The following POU2F1 variants were observed in gnomAD, a reference collection of about 807,000 sequenced individuals.
The protein encoded by POU2F1 is POU class 2 homeobox 1.
In POU2F1, 16 loss-of-function variants were observed where a neutral mutation model predicts 84.9. That is an observed-to-expected ratio of 0.19 (90% CI 0.13 to 0.29). The LOEUF is 0.29. POU2F1 is among the 10% of genes least tolerant of loss of function. The pLI, the probability that POU2F1 is intolerant of heterozygous loss-of-function variation, is 1.00. For synonymous variants in POU2F1, 368 were observed against 368.3 expected (o/e 1.00, Z 0.01); for missense variants, 738 against 942.6 (o/e 0.78, Z 2.84).
At chr1:167,237,762 ATATATATATATTTTTTTTT>A (rs1466659446) in intron 1 of POU2F1, among the ~76,000 whole-genome samples, 21 of 19,994 alleles carry the variant, frequency 1.1e-3, no homozygotes, top group East Asian at 0.01. Flanking sequence ...ATATATATAT[ATATATATATATTTTTTTTT>A]TTTTTTTTTT....
intron 1 of POU2F1, among the ~76,000 whole-genome samples, chr1:167,282,268 C>G (rs935046042): frequency 6.1e-5 from 9 of 147,038 alleles, no homozygotes; most frequent in Non-Finnish European, 1.4e-4. Flanking sequence ...CTCAGCCTCC[C>G]GAATAGCTGG....
intron 1 of POU2F1, among the ~76,000 whole-genome samples, chr1:167,331,632 A>G (rs1054791804): frequency 5.9e-5 from 9 of 152,106 alleles, no homozygotes; most frequent in African/African-American, 2.2e-4. Flanking sequence ...TCAAAGACTT[A>G]GAAGAAAAGC....
intron 2 of POU2F1, among the ~76,000 whole-genome samples, chr1:167,351,519 C>CAAAAAAAAAAAAAAAA (rs34170498): frequency 7.6e-4 from 35 of 45,968 alleles, no homozygotes; most frequent in Non-Finnish European, 8.2e-4. Context: ...AGCACCATCT[C>CAAAAAAAAAAAAAAAA]AAAAAAAAAA....
At chr1:167,263,367 A>G (rs1651709003) in intron 1 of POU2F1, among the ~76,000 whole-genome samples, 1 of 152,056 alleles carries the variant, frequency 6.6e-6, no homozygotes, top group Non-Finnish European at 1.5e-5. Context: ...TAAAAATGCA[A>G]AAATTAGCCG....
At chr1:167,243,794 T>C (rs1650098760) in intron 1 of POU2F1, among the ~76,000 whole-genome samples, 2 of 152,158 alleles carry the variant, frequency 1.3e-5, no homozygotes, top group African/African-American at 2.4e-5. Flanking sequence ...TTTCTTGAAT[T>C]AAGTTTCAGG....
chr1:167,285,819 T>C (rs1474293331), intron 1 of POU2F1, among the ~76,000 whole-genome samples: 1 of 152,124 alleles, frequency 6.6e-6, no homozygotes, highest in African/African-American at 2.4e-5. Flanking sequence ...GATACTCTTC[T>C]CAAGAAGGTT....
At chr1:167,339,422 A>G (rs1345427321) in intron 2 of POU2F1, among the ~76,000 whole-genome samples, 3 of 152,192 alleles carry the variant, frequency 2.0e-5, no homozygotes, top group South Asian at 4.1e-4. Flanking sequence ...TCTATTTTAG[A>G]TGATAGTTGG....
rs182792996 is a variant in POU2F1 at position 167,227,257 on chromosome 1, A to G, written c.61+6299A>G. Among the ~76,000 whole-genome samples, 170 of 152,290 alleles carry G rather than the reference A, an allele frequency of 1.1e-3. 1 individual carries two copies. The highest frequency in any genetic ancestry group is 3.9e-3 in the African/African-American group (161 of 41,556). ...GCAAGTGCAGTTTATCACATTATTT[A>G]TTTCATAATTCTTTGTAACTTTATG... On this transcript the variant is annotated intron_variant, in intron 1 of 15. Transcript: ENST00000367866.
At chr1:167,315,566 A>G (rs567711017) in intron 1 of POU2F1, among the ~76,000 whole-genome samples, 2 of 150,400 alleles carry the variant, frequency 1.3e-5, no homozygotes, top group South Asian at 4.2e-4. Context: ...GCGCTTGACC[A>G]GGAGTTCAAG....
chr1:167,344,987 T>C (rs1054278293), intron 2 of POU2F1, among the ~76,000 whole-genome samples: 8 of 152,124 alleles, frequency 5.3e-5, no homozygotes, highest in Non-Finnish European at 1.0e-4. Context: ...CCACATTTTC[T>C]CACTCATAAG....
chr1:167,261,153 G>A (rs1216396222), intron 1 of POU2F1, among the ~76,000 whole-genome samples: 1 of 152,102 alleles, frequency 6.6e-6, no homozygotes, highest in Non-Finnish European at 1.5e-5. Flanking sequence ...AAATTTGTCT[G>A]ATTACTGATG....
At chr1:167,402,450 CA>C (rs200657417) in intron 13 of POU2F1, among the ~76,000 whole-genome samples, 2,710 of 152,154 alleles carry the variant, frequency 0.018, 43 homozygotes, top group Admixed American at 0.027. Context: ...ATTATTAGAA[CA>C]TTTTGTTTAT....
At chr1:167,271,912 CATT>C (rs1249491834) in intron 1 of POU2F1, among the ~76,000 whole-genome samples, 1 of 152,100 alleles carries the variant, frequency 6.6e-6, no homozygotes, top group African/African-American at 2.4e-5. Flanking sequence ...TATTTCATGA[CATT>C]ATAATTATAT....
chr1:167,246,366 C>T (rs1650320085), intron 1 of POU2F1, among the ~76,000 whole-genome samples: 1 of 152,156 alleles, frequency 6.6e-6, no homozygotes, highest in African/African-American at 2.4e-5. Flanking sequence ...GTTTATGCCT[C>T]AGTTGAATAA....
chr1:167,351,351 G>C (rs1420203029), intron 2 of POU2F1, among the ~76,000 whole-genome samples: 9 of 151,574 alleles, frequency 5.9e-5, no homozygotes, highest in African/African-American at 2.2e-4. Context: ...GCGAAACTCT[G>C]TCTCAAAACA....
chr1:167,222,318 A>T (rs1458660075), intron 1 of POU2F1, among the ~76,000 whole-genome samples: 1 of 151,970 alleles, frequency 6.6e-6, no homozygotes, highest in African/African-American at 2.4e-5. Context: ...ACCTCTTCTC[A>T]TTTGAATAAT....
Position 167,220,926 on chromosome 1 carries a change from A to T in POU2F1, c.29A>T (p.Asp10Val), listed in dbSNP as rs775020459. The stretch of plus-strand genomic sequence containing the variant: ...GCGGACGGAGGAGCAGCGAGTCAAG[A>T]TGAGAGTTCAGCCGCGGCGGCAGCA... MADGGAASQ[D>V]ESSAAAAAAA... Residue 10 changes from aspartate (D) to valine (V), a missense_variant, in exon 1 of 16, where the codon GAT becomes GTT. Asp to Val is a radical substitution (Grantham distance 152). Coordinates refer to ENST00000367866, the MANE Select transcript of POU2F1 (RefSeq NM_002697.4). 1.3e-6 allele frequency: 2 copies of T among 1,535,368 alleles called. No homozygotes were observed. Among genetic ancestry groups the T allele is most frequent in the Non-Finnish European group, 1.7e-6 (2 of 1,146,798 alleles).
chr1:167,265,763 T>C (rs1361677229), intron 1 of POU2F1, among the ~76,000 whole-genome samples: 2 of 151,698 alleles, frequency 1.3e-5, no homozygotes, highest in Non-Finnish European at 2.9e-5. Flanking sequence ...ATGGTGCTCA[T>C]GGCATCTAGT....
intron 1 of POU2F1, among the ~76,000 whole-genome samples, chr1:167,284,689 T>C (rs181439717): frequency 3.5e-3 from 534 of 152,334 alleles, no homozygotes; most frequent in Non-Finnish European, 5.8e-3. Context: ...TAGATTATAT[T>C]TTTCCTCTTC....
Sources: allele counts gnomAD v4.1 joint callset (sites outside exome capture counted in the v4.1 genomes callset), GRCh38; gene constraint gnomAD v4.1.1; transcripts MANE v1.5; gene names NCBI Gene and HGNC (gene_info 2026-07-23, HGNC 2026-07-21).